Variants in SYNE2 observed in about 807,000 individuals in gnomAD.
SYNE2 encodes the protein spectrin repeat containing nuclear envelope protein 2, also known as nesprin-2.
Under a neutral mutation model 856.3 loss-of-function variants are expected in SYNE2, and 431 were observed. The observed-to-expected ratio is 0.50, with a 90% CI of 0.47 to 0.55. The LOEUF is 0.55. Among genes scored for constraint, SYNE2 ranks in the 20% least tolerant of loss-of-function variants. The pLI is 0.00. For synonymous variants in SYNE2, 2,923 were observed against 2,872.3 expected, an observed-to-expected ratio of 1.02 and a Z score of -0.56; for missense variants, 8,129 against 8,023.2, an observed-to-expected ratio of 1.01 and a Z score of -0.50.
intron 45 of SYNE2, chr14:64,034,621 G>T: frequency 2.0e-6 from 1 of 493,536 alleles, no homozygotes. Flanking sequence ...ACCTTTGGTT[G>T]ACCTTTTCTT....
At chr14:64,134,005 ATGT>A (rs1160932958) in intron 77 of SYNE2, 61 bp from the exon 78 acceptor site, 5 of 1,583,976 alleles carry the variant, frequency 3.2e-6, no homozygotes, top group African/African-American at 2.7e-5. Context: ...GTGATTAATT[ATGT>A]TGTTATCTGG....
In SYNE2 at chr14:64,113,513, C is replaced by T. The variant is rs147278548; in HGVS notation, c.12782C>T (p.Pro4261Leu). ...WLQQANVAVE[P>L]ETLNADMQQV... ...CAACAAGCCAACGTGGCAGTTGAGC[C>T]GGAAACATTAAACGCAGACATGCAG... The change falls in exon 66 of 116, where the codon CCG becomes CTG. Residue 4261 changes from proline to leucine, a missense_variant. Coordinates refer to ENST00000555002, the MANE Select transcript of SYNE2 (RefSeq NM_182914.3). 46 of 1,613,892 alleles carry T rather than the reference C, an allele frequency of 2.9e-5. No individual in the cohort carries two copies. Among genetic ancestry groups the T allele is most frequent in the South Asian group, 1.4e-4 (13 of 91,034 alleles).
chr14:63,945,748 C>T (rs939149321), intron 6 of SYNE2, among the ~76,000 whole-genome samples: 1 of 152,162 alleles, frequency 6.6e-6, no homozygotes, highest in African/African-American at 2.4e-5. Context: ...CCTCAGCCTC[C>T]TGAGTAGCTG....
At chr14:63,818,688 A>T (rs183483548) in intron 1 of SYNE2, among the ~76,000 whole-genome samples, 507 of 145,064 alleles carry the variant, frequency 3.5e-3, no homozygotes, top group Middle Eastern at 7.2e-3. Context: ...ATTCTCATAC[A>T]TTTTTTTCTT....
intron 1 of SYNE2, among the ~76,000 whole-genome samples, chr14:63,801,376 T>TA (rs969534397): frequency 9.3e-5 from 14 of 151,264 alleles, no homozygotes; most frequent in East Asian, 1.9e-4. Context: ...AAATAAAATT[T>TA]AAAAAAAAAG....
chr14:63,919,365 G>A (rs1024980696), intron 2 of SYNE2, among the ~76,000 whole-genome samples: 10 of 152,264 alleles, frequency 6.6e-5, no homozygotes, highest in South Asian at 2.1e-4. Flanking sequence ...AGGAGCGATC[G>A]AATAACAAGG....
At chr14:63,995,340 T>C (rs1257779589) in intron 23 of SYNE2, 138 bp downstream of exon 23, 6 of 663,490 alleles carry the variant, frequency 9.0e-6, no homozygotes, top group Non-Finnish European at 1.5e-5. Context: ...GATCACTTCT[T>C]TGCTTCACAC....
intron 83 of SYNE2, 137 bp downstream of exon 83, chr14:64,144,085 C>G: frequency 9.5e-7 from 1 of 1,053,900 alleles, no homozygotes; most frequent in Non-Finnish European, 1.5e-6. Flanking sequence ...TTTTATAAAT[C>G]CTATGTTTTA....
intron 7 of SYNE2, among the ~76,000 whole-genome samples, chr14:63,954,436 A>G (rs775814733): frequency 5.9e-5 from 9 of 152,194 alleles, no homozygotes; most frequent in Non-Finnish European, 8.8e-5. Context: ...TTCAGTAGGT[A>G]TGGGATTCGG....
chr14:63,778,400 C>T (rs2139727951), intron 1 of SYNE2, among the ~76,000 whole-genome samples: 1 of 152,268 alleles, frequency 6.6e-6, no homozygotes, highest in South Asian at 2.1e-4. Context: ...TGGATGAATA[C>T]ATGCTAATTA....
At chr14:64,062,266 A>G (rs965407819) in intron 49 of SYNE2, among the ~76,000 whole-genome samples, 2 of 152,114 alleles carry the variant, frequency 1.3e-5, no homozygotes, top group Non-Finnish European at 2.9e-5. Context: ...GGGTATTCCA[A>G]TGTGTGATGT....
intron 114 of SYNE2, 145 bp downstream of exon 114, chr14:64,224,692 C>T (rs1009523406): frequency 4.0e-5 from 36 of 903,434 alleles, no homozygotes; most frequent in East Asian, 7.9e-5. Flanking sequence ...TTACAGTCTG[C>T]CTCTAGTCAC....
At chr14:64,193,428 T>G (rs1323310633) in intron 99 of SYNE2, among the ~76,000 whole-genome samples, 1 of 152,108 alleles carries the variant, frequency 6.6e-6, no homozygotes, top group Non-Finnish European at 1.5e-5. Context: ...TGCGCACCTG[T>G]AGTCCCAGCT....
intron 1 of SYNE2, among the ~76,000 whole-genome samples, chr14:63,811,489 C>T (rs1007961301): frequency 6.6e-6 from 1 of 151,852 alleles, no homozygotes; most frequent in Non-Finnish European, 1.5e-5. Context: ...TCTTGAATTC[C>T]TAGGCTCAAG....
chr14:63,898,199 A>G (rs570999698), intron 1 of SYNE2, among the ~76,000 whole-genome samples: 1 of 151,728 alleles, frequency 6.6e-6, no homozygotes, highest in East Asian at 1.9e-4. Context: ...CCTCCTTCCC[A>G]TGTAATCTTC....
chr14:63,890,476 T>A (rs1356481569), intron 1 of SYNE2, among the ~76,000 whole-genome samples: 1 of 152,150 alleles, frequency 6.6e-6, no homozygotes, highest in Non-Finnish European at 1.5e-5. Context: ...TAGGTTTTAT[T>A]TCTGGCTTTA....
At chr14:63,872,909 T>C (rs2094621361) in intron 1 of SYNE2, among the ~76,000 whole-genome samples, 2 of 152,232 alleles carry the variant, frequency 1.3e-5, no homozygotes, top group South Asian at 4.1e-4. Context: ...TTGATTTTCA[T>C]TGTTTAATAT....
chr14:63,964,085 A>G, intron 10 of SYNE2, 85 bp downstream of exon 10: 1 of 819,014 alleles, frequency 1.2e-6, no homozygotes, highest in Non-Finnish European at 2.0e-6. Context: ...TTTCAGGCTT[A>G]AGTATTTTAA....
chr14:63,948,730 A>ATATG (rs1566883104), intron 6 of SYNE2, among the ~76,000 whole-genome samples: 2 of 88,890 alleles, frequency 2.2e-5, no homozygotes, highest in South Asian at 4.2e-4. Context: ...GTGTATATAT[A>ATATG]TGTGTATAGA....
Sources: allele counts gnomAD v4.1 joint callset (sites outside exome capture counted in the v4.1 genomes callset), GRCh38; gene constraint gnomAD v4.1.1; transcripts MANE v1.5; gene names NCBI Gene and HGNC (gene_info 2026-07-23, HGNC 2026-07-21).